The following EBF2 variants were observed in gnomAD, a reference collection of about 807,000 sequenced individuals.
EBF2 encodes the protein EBF transcription factor 2.
In EBF2, 21 loss-of-function variants were observed where a neutral mutation model predicts 72.8. The observed-to-expected ratio is 0.29, with a 90% CI of 0.20 to 0.42. The LOEUF (loss-of-function observed/expected upper bound fraction) is 0.42. EBF2 is among the 10% of genes least tolerant of loss of function. The pLI is 1.00. For missense variants in EBF2, 637 were observed against 731.2 expected, an observed-to-expected ratio of 0.87 and a Z score of 1.49; for synonymous variants, 299 against 274.2, an observed-to-expected ratio of 1.09 and a Z score of -0.89.
intron 6 of EBF2, among the ~76,000 whole-genome samples, chr8:25,998,928 G>A (rs189347368): frequency 7.9e-5 from 12 of 152,172 alleles, no homozygotes; most frequent in Admixed American, 4.6e-4. Context: ...AACAAATTTC[G>A]GGTCCCACTT....
chr8:25,870,837 A>G (rs962818906), intron 10 of EBF2, among the ~76,000 whole-genome samples: 1 of 151,940 alleles, frequency 6.6e-6, no homozygotes, highest in African/African-American at 2.4e-5. Flanking sequence ...TCCCTGCCAG[A>G]CTTCATAGGC....
At chr8:25,953,142 G>A (rs1232442945) in intron 6 of EBF2, among the ~76,000 whole-genome samples, 3 of 152,186 alleles carry the variant, frequency 2.0e-5, no homozygotes, top group Non-Finnish European at 4.4e-5. Flanking sequence ...GAGACCATGT[G>A]TGCTTCACAG....
intron 6 of EBF2, among the ~76,000 whole-genome samples, chr8:25,944,573 A>G (rs1275803613): frequency 2.0e-5 from 3 of 148,898 alleles, no homozygotes; most frequent in Non-Finnish European, 3.0e-5. Context: ...TTATATATTG[A>G]ATATATTACA....
At chr8:26,041,093 T>C in intron 2 of EBF2, 91 bp from the exon 3 acceptor site, 1 of 1,455,056 alleles carries the variant, frequency 6.9e-7, no homozygotes, top group Non-Finnish European at 9.5e-7. Flanking sequence ...TCACATCCCT[T>C]CTCCCCATCA....
chr8:26,001,169 C>T (rs532942225), intron 6 of EBF2, among the ~76,000 whole-genome samples: 1 of 152,256 alleles, frequency 6.6e-6, no homozygotes, highest in South Asian at 2.1e-4. Flanking sequence ...TCACTGGGCC[C>T]TCAAAGAGCA....
Position 25,842,041 on chromosome 8 carries a change from AAAAG to A in EBF2, c.*2564_*2567del, listed in dbSNP as rs1292711403. The A allele has an allele frequency of 1.3e-5, 2 of 152,188 alleles. No homozygotes were observed. Among genetic ancestry groups the A allele is most frequent in the Admixed American group, 1.3e-4 (2 of 15,276 alleles). The allele number at this position is 152,188 out of a possible 1,614,324, so 9.4% of individuals were successfully genotyped here. A position where few individuals can be genotyped will look rare whatever the true frequency, so the allele number is the denominator to read the frequency against. On this transcript the variant is annotated 3_prime_UTR_variant, in exon 16 of 16. Coordinates refer to ENST00000520164, the MANE Select transcript of EBF2 (RefSeq NM_022659.4). The stretch of plus-strand genomic sequence containing the variant: ...CTGAGAAGAATTACAACGCTATAAC[AAAAG>A]AAAGATAAATAATGAAGTAAATTGT...
chr8:25,952,123 T>C (rs943195219), intron 6 of EBF2, among the ~76,000 whole-genome samples: 4 of 152,016 alleles, frequency 2.6e-5, no homozygotes, highest in Non-Finnish European at 5.9e-5. Context: ...TGAGACCGTG[T>C]ATCTACAAAA....
intron 6 of EBF2, among the ~76,000 whole-genome samples, chr8:25,989,798 G>A (rs1263784678): frequency 1.3e-5 from 2 of 152,198 alleles, no homozygotes; most frequent in Non-Finnish European, 2.9e-5. Context: ...AGAGCCATGG[G>A]TGGCCTTGCT....
intron 10 of EBF2, among the ~76,000 whole-genome samples, chr8:25,875,249 C>T (rs759912847): frequency 6.6e-6 from 1 of 152,222 alleles, no homozygotes; most frequent in Admixed American, 6.5e-5. Context: ...ATGCTTACAA[C>T]AGTGAATTGT....
At chr8:25,944,566 T>C (rs1803732978) in intron 6 of EBF2, among the ~76,000 whole-genome samples, 1 of 149,110 alleles carries the variant, frequency 6.7e-6, no homozygotes, top group African/African-American at 2.4e-5. Context: ...CAATTATTTA[T>C]ATATTGAATA....
At chr8:25,846,279 C>T (rs1801834024) in intron 15 of EBF2, among the ~76,000 whole-genome samples, 2 of 151,932 alleles carry the variant, frequency 1.3e-5, no homozygotes, top group Middle Eastern at 3.4e-3. Flanking sequence ...GAATCAGACA[C>T]ATAGTGTGTA....
chr8:25,886,867 A>G lies in EBF2; in HGVS notation c.897T>C (p.His299=). 6.2e-7 allele frequency: 1 copy of G among 1,612,716 alleles called. No individual in the cohort carries two copies. ...MLVWSELITP[H]AIRVQTPPRH... Reference sequence around the variant, plus strand: ...GGGGAGGAGTCTGTACTCTGATGGCATGAGGGGTTATTAGCTGAGGAATGA... The same window carrying G: ...GGGGAGGAGTCTGTACTCTGATGGCGTGAGGGGTTATTAGCTGAGGAATGA... The change falls in exon 10 of 16, where the codon CAT becomes CAC. Residue 299 remains histidine, a synonymous_variant. Transcript: ENST00000520164.
chr8:25,907,227 T>C (rs553450765), intron 7 of EBF2, among the ~76,000 whole-genome samples: 1 of 151,900 alleles, frequency 6.6e-6, no homozygotes, highest in South Asian at 2.1e-4. Context: ...GAGACCAACC[T>C]GGGCAACATG....
intron 10 of EBF2, among the ~76,000 whole-genome samples, chr8:25,881,580 A>G (rs768620253): frequency 6.6e-6 from 1 of 152,170 alleles, no homozygotes; most frequent in South Asian, 2.1e-4. Flanking sequence ...TTTAAATGAT[A>G]TGGAAGTGGG....
chr8:25,870,184 T>G (rs1333357577), intron 10 of EBF2, among the ~76,000 whole-genome samples: 4 of 152,026 alleles, frequency 2.6e-5, no homozygotes, highest in Non-Finnish European at 5.9e-5. Flanking sequence ...CACAAACAGC[T>G]GCCTGGTGCT....
chr8:25,876,709 A>G (rs2117278970), intron 10 of EBF2, among the ~76,000 whole-genome samples: 1 of 152,332 alleles, frequency 6.6e-6, no homozygotes, highest in South Asian at 2.1e-4. Context: ...GGGAAGTAGT[A>G]CAGGTTAGGT....
At chr8:26,001,984 T>C (rs1804734949) in intron 6 of EBF2, among the ~76,000 whole-genome samples, 1 of 152,176 alleles carries the variant, frequency 6.6e-6, no homozygotes, top group African/African-American at 2.4e-5. Context: ...CTGAAATGCA[T>C]TAAACTCACT....
chr8:25,898,879 G>A (rs1326698168), intron 7 of EBF2, among the ~76,000 whole-genome samples: 1 of 152,156 alleles, frequency 6.6e-6, no homozygotes, highest in Non-Finnish European at 1.5e-5. Flanking sequence ...GCATTCGATA[G>A]TCCTGGAATG....
intron 14 of EBF2, among the ~76,000 whole-genome samples, chr8:25,854,887 T>A (rs1327433377): frequency 8.5e-5 from 13 of 152,214 alleles, no homozygotes; most frequent in Non-Finnish European, 1.5e-5. Flanking sequence ...TAGGAATCTA[T>A]GAGGACAAGT....
Sources: gnomAD v4.1 joint callset for allele counts (sites outside exome capture counted in the v4.1 genomes callset) on GRCh38, gnomAD v4.1.1 for gene constraint, MANE v1.5 for transcripts, NCBI Gene and HGNC (gene_info 2026-07-23, HGNC 2026-07-21) for gene names.